The following NET1 variants were observed in gnomAD, a reference collection of about 807,000 sequenced individuals.
The protein encoded by NET1 is neuroepithelial cell transforming 1, also known as neuroepithelial cell-transforming gene 1 protein.
A neutral mutation model predicts 61.1 loss-of-function variants in NET1; 42 were observed. The observed-to-expected ratio is 0.69, with a 90% CI of 0.54 to 0.89. The LOEUF (loss-of-function observed/expected upper bound fraction) is 0.89. Ranked by LOEUF, NET1 falls within the 40% of genes least tolerant of loss-of-function variation. NET1 has a pLI of 0.00. For missense variants in NET1, 654 were observed against 747.3 expected, an observed-to-expected ratio of 0.88 and a Z score of 1.46; for synonymous variants, 254 against 281.8, an observed-to-expected ratio of 0.90 and a Z score of 0.99.
chr10:5,454,166 C>G lies in NET1; in HGVS notation c.769-99C>G. ...AATGTCCACAGCTTGTTAAAACTCT[C>G]AAGAATAGCTGTACATTTTGTGTTT... On this transcript the variant is annotated intron_variant, in intron 8 of 11. Coordinates refer to ENST00000355029, the MANE Select transcript of NET1 (RefSeq NM_001047160.3). This position sits in a 1 kb window ranked among gnomAD's most constrained non-coding sequence, Gnocchi z 8.1. 8.0e-7 allele frequency: 1 copy of G among 1,248,210 alleles called. No homozygotes were observed. Among genetic ancestry groups the G allele is most frequent in the Non-Finnish European group, 1.1e-6 (1 of 897,624 alleles). The allele number at this position is 1,248,210 out of a possible 1,614,324, so 77.3% of individuals were successfully genotyped here. A position where few individuals can be genotyped will look rare whatever the true frequency, so the allele number is the denominator to read the frequency against.
Position 5,444,529 on chromosome 10 carries a change from T to G in NET1, c.256-7301T>G, listed in dbSNP as rs74667920. On this transcript the variant is annotated intron_variant, in intron 3 of 11. Transcript: ENST00000355029. The surrounding 1 kb of genome is among the most constrained non-coding windows in gnomAD (Gnocchi z 5.3). ...ATTAAACTTGTAATCACTAAATCCG[T>G]GGCTTTTTTCATACCCTCCTTAACC... Among the ~76,000 whole-genome samples, 1,456 of 152,316 alleles carry G rather than the reference T, an allele frequency of 9.6e-3. 20 individuals are homozygous for G. The highest frequency in any genetic ancestry group is 0.033 in the African/African-American group (1,387 of 41,562).
rs1027526356 is a variant in NET1 at position 5,426,338 on chromosome 10, T to G, written c.129-317T>G. On this transcript the variant is annotated intron_variant, in intron 1 of 11. Coordinates refer to ENST00000355029, the MANE Select transcript of NET1 (RefSeq NM_001047160.3). The surrounding 1 kb of genome is among the most constrained non-coding windows in gnomAD (Gnocchi z 4.6). ...GTTTTTTATTTAACCTATTAATATA[T>G]TTCATGTTTTTGAACTATATGTATG... Among the ~76,000 whole-genome samples the G allele has an allele frequency of 6.6e-6, 1 of 152,174 alleles. No individual in the cohort carries two copies. Among genetic ancestry groups the G allele is most frequent in the African/African-American group, 2.4e-5 (1 of 41,450 alleles).
Position 5,427,145 on chromosome 10 carries a change from C to T in NET1, c.195+424C>T, listed in dbSNP as rs907422907. Among the ~76,000 whole-genome samples, 14 of 151,900 alleles carry T rather than the reference C, an allele frequency of 9.2e-5. No homozygotes were observed. The highest frequency in any genetic ancestry group is 2.9e-4 in the African/African-American group (12 of 41,370). Reference sequence around the variant, plus strand: ...AATGATTTTCTGCTATTAATCATCTCAGCATAGAGGGACTCTATTATTTTT... The same window carrying T: ...AATGATTTTCTGCTATTAATCATCTTAGCATAGAGGGACTCTATTATTTTT... On this transcript the variant is annotated intron_variant, in intron 2 of 11. Transcript: ENST00000355029. The surrounding 1 kb of genome is among the most constrained non-coding windows in gnomAD (Gnocchi z 4.1).
rs927295295 is a variant in NET1 at position 5,459,042 on chromosome 10, T to C, written c.*2048T>C. On this transcript the variant is annotated 3_prime_UTR_variant, in exon 12 of 12. Transcript: ENST00000355029. ...AATCTGAGTAAATCTATTAAATGAA[T>C]GTTCTTCAGAAATAGCACCTGTGTT... Among the ~76,000 whole-genome samples the C allele has an allele frequency of 6.6e-6, 1 of 152,162 alleles. No individual in the cohort carries two copies. The highest frequency in any genetic ancestry group is 6.5e-5 in the Admixed American group (1 of 15,272).
rs993125899 is a variant in NET1 at position 5,423,149 on chromosome 10, G to A, written c.129-3506G>A. ...TTTTTAAAATCTTTTTCTGAAACTC[G>A]TTTTCATTCTACATCCATTTTTTAT... On this transcript the variant is annotated intron_variant, in intron 1 of 11. Coordinates refer to ENST00000355029, the MANE Select transcript of NET1 (RefSeq NM_001047160.3). This position sits in a 1 kb window ranked among gnomAD's most constrained non-coding sequence, Gnocchi z 4.4. Among the ~76,000 whole-genome samples, 10 of 152,048 alleles carry A rather than the reference G, an allele frequency of 6.6e-5. No individual in the cohort carries two copies. The highest frequency in any genetic ancestry group is 1.7e-4 in the African/African-American group (7 of 41,414).
chr10:5,418,422 T>G (rs1459395997), intron 1 of NET1, among the ~76,000 whole-genome samples: 1 of 152,168 alleles, frequency 6.6e-6, no homozygotes, highest in Non-Finnish European at 1.5e-5. Context: ...GTTATCTAAT[T>G]TGTTGGTGTA....
At chr10:5,428,070 T>C (rs1832288639) in intron 2 of NET1, among the ~76,000 whole-genome samples, 1 of 106,144 alleles carries the variant, frequency 9.4e-6, no homozygotes, top group Admixed American at 1.1e-4. Context: ...TTTTTTTTCT[T>C]CTCTATTGGC....
At chr10:5,413,057 C>A (rs1832028862) in intron 1 of NET1, among the ~76,000 whole-genome samples, 1 of 147,506 alleles carries the variant, frequency 6.8e-6, no homozygotes, top group Non-Finnish European at 1.5e-5. Flanking sequence ...ACGGGGGCCG[C>A]TGGAAGTGAG....
chr10:5,413,204 G>A (rs1832031255), intron 1 of NET1, among the ~76,000 whole-genome samples: 1 of 152,144 alleles, frequency 6.6e-6, no homozygotes, highest in Non-Finnish European at 1.5e-5. Flanking sequence ...TTTCTCAGGG[G>A]AGACTTAGGA....
intron 3 of NET1, among the ~76,000 whole-genome samples, chr10:5,434,778 A>G (rs1464984516): frequency 1.4e-5 from 2 of 145,752 alleles, no homozygotes; most frequent in Non-Finnish European, 3.0e-5. Flanking sequence ...TTAACTTATT[A>G]ATGAGTTAAC....
At position 5,417,883 on chromosome 10, in the gene NET1, G is replaced by T. The variant is rs555194461; in HGVS notation, c.128+5063G>T. Among the ~76,000 whole-genome samples the T allele has an allele frequency of 6.6e-6, 1 of 152,208 alleles. No individual in the cohort carries two copies. Among genetic ancestry groups the T allele is most frequent in the African/African-American group, 2.4e-5 (1 of 41,530 alleles). On this transcript the variant is annotated intron_variant, in intron 1 of 11. Coordinates refer to ENST00000355029, the MANE Select transcript of NET1 (RefSeq NM_001047160.3). The surrounding 1 kb of genome is among the most constrained non-coding windows in gnomAD (Gnocchi z 5.5). ...TTTTGAGTGGTTTTTATCATGAAAG[G>T]TTTTAGGGTTTTTTTTCTTTTGTCT...
At position 5,421,043 on chromosome 10, in the gene NET1, A is replaced by C. The variant is rs1393200885; in HGVS notation, c.129-5612A>C. On this transcript the variant is annotated intron_variant, in intron 1 of 11. Coordinates refer to ENST00000355029, the MANE Select transcript of NET1 (RefSeq NM_001047160.3). The surrounding 1 kb of genome is among the most constrained non-coding windows in gnomAD (Gnocchi z 4.2). ...ATTATTTTCTGTCTTCTCCTTTGAG[A>C]ATGTATATTCTTTTAACATTCTTTT... Among the ~76,000 whole-genome samples the C allele has an allele frequency of 6.6e-6, 1 of 151,460 alleles. No individual in the cohort carries two copies. The highest frequency in any genetic ancestry group is 1.5e-5 in the Non-Finnish European group (1 of 67,568).
chr10:5,426,677 T>C lies in NET1; in HGVS notation c.151T>C (p.Ser51Pro). 3 of 1,606,494 alleles carry C rather than the reference T, an allele frequency of 1.9e-6. No homozygotes were observed. Among genetic ancestry groups the C allele is most frequent in the Non-Finnish European group, 2.5e-6 (3 of 1,176,986 alleles). The change falls in exon 2 of 12, where the codon TCC (serine) becomes CCC (proline). Residue 51 changes from serine to proline, a missense_variant. Ser to Pro is a moderately conservative substitution (Grantham distance 74). Transcript: ENST00000355029. The surrounding 1 kb of genome is among the most constrained non-coding windows in gnomAD (Gnocchi z 4.6). Reference sequence around the variant, plus strand: ...TAGATGTTCCCTTCGGAGAGGCAGCTCCTTCACATTCTTAACACCTGGCCC... The same window carrying C: ...TAGATGTTCCCTTCGGAGAGGCAGCCCCTTCACATTCTTAACACCTGGCCC... ...DGRCSLRRGS[S>P]FTFLTPGPNW...
rs1488556401 is a variant in NET1, at chr10:5,457,348, T to TTGCAAATGCTGGAATTC, written c.*358_*374dup. On this transcript the variant is annotated 3_prime_UTR_variant, in exon 12 of 12. Coordinates refer to ENST00000355029, the MANE Select transcript of NET1 (RefSeq NM_001047160.3). The surrounding 1 kb of genome is among the most constrained non-coding windows in gnomAD (Gnocchi z 5.4). ...ACAATATTCACCAAAACTTAGAATT[T>TTGCAAATGCTGGAATTC]TGCAAATGCTGGAATTCTGCCAGTG... 6.3e-6 allele frequency: 1 copy of TTGCAAATGCTGGAATTC among 159,928 alleles called. No homozygotes were observed. Among genetic ancestry groups the TTGCAAATGCTGGAATTC allele is most frequent in the Non-Finnish European group, 1.4e-5 (1 of 73,172 alleles). The allele number at this position is 159,928 out of a possible 1,614,324, so 9.9% of individuals were successfully genotyped here.
rs1832261281 is a variant in NET1, at chr10:5,426,582, C to T, written c.129-73C>T. 1 of 1,203,470 alleles carries T rather than the reference C, an allele frequency of 8.3e-7. No individual in the cohort carries two copies. Among genetic ancestry groups the T allele is most frequent in the Admixed American group, 2.1e-5 (1 of 47,064 alleles). The allele number at this position is 1,203,470 out of a possible 1,614,324, so 74.5% of individuals were successfully genotyped here. The stretch of plus-strand genomic sequence containing the variant: ...GGTTTTGAAAGTATGAAAAGTATAG[C>T]TTTTTATCTGTTTGATGCTCTATTA... On this transcript the variant is annotated intron_variant, in intron 1 of 11. Transcript: ENST00000355029. The surrounding 1 kb of genome is among the most constrained non-coding windows in gnomAD (Gnocchi z 4.6).
Position 5,423,013 on chromosome 10 carries a change from C to A in NET1, c.129-3642C>A, listed in dbSNP as rs1832202392. On this transcript the variant is annotated intron_variant, in intron 1 of 11. Coordinates refer to ENST00000355029, the MANE Select transcript of NET1 (RefSeq NM_001047160.3). This position sits in a 1 kb window ranked among gnomAD's most constrained non-coding sequence, Gnocchi z 4.4. The stretch of plus-strand genomic sequence containing the variant: ...GGTATAATTCTTTTTATATGTTTGG[C>A]ATTTACAGATTACATTTTTTATTTA... Among the ~76,000 whole-genome samples, 1 of 152,122 alleles carries A rather than the reference C, an allele frequency of 6.6e-6. No individual in the cohort carries two copies. Among genetic ancestry groups the A allele is most frequent in the Non-Finnish European group, 1.5e-5 (1 of 68,024 alleles).
rs926074952 is a variant in NET1, at chr10:5,458,059, C to T, written c.*1065C>T. The T allele has an allele frequency of 6.6e-6, 1 of 152,144 alleles. No homozygotes were observed. Among genetic ancestry groups the T allele is most frequent in the Non-Finnish European group, 1.5e-5 (1 of 68,034 alleles). 9.4% of individuals were successfully genotyped at this position (152,144 alleles called of 1,614,324 possible). A position where few individuals can be genotyped will look rare whatever the true frequency, so the allele number is the denominator to read the frequency against. On this transcript the variant is annotated 3_prime_UTR_variant, in exon 12 of 12. Transcript: ENST00000355029. This position sits in a 1 kb window ranked among gnomAD's most constrained non-coding sequence, Gnocchi z 4.5. ...GTGAAAGGAGATAGGAGAAGCTCAA[C>T]TTGAGGGCGTGTAGTAAGTTGTAGA...
chr10:5,453,661 T>C lies in NET1; in HGVS notation c.768+101T>C. The C allele has an allele frequency of 1.0e-6, 1 of 1,004,858 alleles. No individual in the cohort carries two copies. The highest frequency in any genetic ancestry group is 1.8e-5 in the Admixed American group (1 of 57,128). The allele number at this position is 1,004,858 out of a possible 1,614,324, so 62.2% of individuals were successfully genotyped here. ...CAGATTTGATCCCACAACTCTGTTC[T>C]ACAAACACATAAGGCGTTAAAACTG... On this transcript the variant is annotated intron_variant, in intron 8 of 11. Coordinates refer to ENST00000355029, the MANE Select transcript of NET1 (RefSeq NM_001047160.3). The surrounding 1 kb of genome is among the most constrained non-coding windows in gnomAD (Gnocchi z 4.9).
Position 5,428,038 on chromosome 10 carries a change from C to CCTTTTTTTTTTTTTTTTTTTTTT in NET1, c.196-1132_196-1131insCTTTTTTTTTTTTTTTTTTTTTT, listed in dbSNP as rs767299959. On this transcript the variant is annotated intron_variant, in intron 2 of 11. Transcript: ENST00000355029. ...CACTTCTATCTGGACTTTGCCGTTC[C>CCTTTTTTTTTTTTTTTTTTTTTT]TTTTTTTTTTTTTTTTTTTTTTTTT... Among the ~76,000 whole-genome samples, 4 of 113,904 alleles carry CCTTTTTTTTTTTTTTTTTTTTTT rather than the reference C, an allele frequency of 3.5e-5. 2 individuals are homozygous for CCTTTTTTTTTTTTTTTTTTTTTT. Among genetic ancestry groups the CCTTTTTTTTTTTTTTTTTTTTTT allele is most frequent in the Non-Finnish European group, 3.6e-5 (2 of 56,156 alleles). 74.7% of individuals were successfully genotyped at this position (113,904 alleles called of 152,430 possible). A position where few individuals can be genotyped will look rare whatever the true frequency, so the allele number is the denominator to read the frequency against.
Sources: gnomAD v4.1 joint callset for allele counts (sites outside exome capture counted in the v4.1 genomes callset) on GRCh38, gnomAD v4.1.1 for gene constraint, Gnocchi (gnomAD v3.1) non-coding constraint, MANE v1.5 for transcripts, NCBI Gene and HGNC (gene_info 2026-07-23, HGNC 2026-07-21) for gene names.